Variants in CCDC192 observed in about 807,000 individuals in gnomAD.
The protein encoded by CCDC192 is coiled-coil domain containing 192, also known as coiled-coil domain-containing protein 192.
chr5:127,849,380 A>C (rs1206899766), intron 5 of CCDC192, among the ~76,000 whole-genome samples: 1 of 151,906 alleles, frequency 6.6e-6, no homozygotes, highest in East Asian at 1.9e-4. Context: ...ATAGAGGCTG[A>C]CTTCAACTGG....
intron 3 of CCDC192, chr5:127,787,131 C>A (rs1756585475): frequency 8.7e-6 from 2 of 228,916 alleles, no homozygotes; most frequent in African/African-American, 2.3e-5. Flanking sequence ...CAGTACCATT[C>A]CAAATTTATT....
chr5:127,785,909 C>A, intron 3 of CCDC192: 1 of 435,402 alleles, frequency 2.3e-6, no homozygotes. Flanking sequence ...GCAGACATTA[C>A]CAAGGCAATG....
chr5:127,931,827 A>ATG (rs1754036148), intron 6 of CCDC192, among the ~76,000 whole-genome samples: 1 of 152,108 alleles, frequency 6.6e-6, no homozygotes, highest in African/African-American at 2.4e-5. Context: ...CATCTAGGGG[A>ATG]TCAATTTTTC....
intron 6 of CCDC192, among the ~76,000 whole-genome samples, chr5:127,914,882 A>G (rs1420164833): frequency 1.3e-5 from 2 of 152,196 alleles, no homozygotes; most frequent in Non-Finnish European, 2.9e-5. Context: ...AATGCATACA[A>G]CAATCAATTG....
chr5:127,856,470 C>T (rs1026899225), intron 5 of CCDC192, among the ~76,000 whole-genome samples: 4 of 152,138 alleles, frequency 2.6e-5, no homozygotes, highest in Admixed American at 2.6e-4. Flanking sequence ...CTTTTTTATT[C>T]ATGTGTTCAC....
rs925470215 is a variant in CCDC192, at chr5:127,769,329, G to A, written c.222+14954G>A. ...GTCCGGGGAAGGAACAGATTGTGAGGAATTCATTTTGAACACATTAATTCT... is the reference window on the plus strand; with the variant it reads ...GTCCGGGGAAGGAACAGATTGTGAGAAATTCATTTTGAACACATTAATTCT... On this transcript the variant is annotated intron_variant, in intron 3 of 6. Transcript: ENST00000514853. Among the ~76,000 whole-genome samples the A allele has an allele frequency of 3.3e-5, 5 of 152,032 alleles. No homozygotes were observed. The South Asian group carries it at 1.0e-3, about 32-fold the overall frequency.
intron 2 of CCDC192, 128 bp from the exon 3 acceptor site, chr5:127,754,140 A>G (rs1029083924): frequency 1.3e-5 from 5 of 391,238 alleles, no homozygotes; most frequent in African/African-American, 8.3e-5. Flanking sequence ...AAAGGGGAGG[A>G]TTTGTGTGAG....
intron 6 of CCDC192, among the ~76,000 whole-genome samples, chr5:127,901,897 A>G (rs111594318): frequency 6.6e-6 from 1 of 152,238 alleles, no homozygotes; most frequent in African/African-American, 2.4e-5. Flanking sequence ...CAGGGATCCC[A>G]AATAAATCCC....
chr5:127,917,998 G>C (rs375864245), intron 6 of CCDC192, among the ~76,000 whole-genome samples: 109 of 152,164 alleles, frequency 7.2e-4, no homozygotes, highest in African/African-American at 2.6e-3. Flanking sequence ...AGCTGGGTGT[G>C]GCGATAGGCA....
At chr5:127,913,497 A>C (rs1314169171) in intron 6 of CCDC192, among the ~76,000 whole-genome samples, 1 of 152,242 alleles carries the variant, frequency 6.6e-6, no homozygotes, top group Non-Finnish European at 1.5e-5. Flanking sequence ...ACTTCTACCT[A>C]GACCGCTGCT....
At chr5:127,810,626 A>G (rs1580696064) in intron 5 of CCDC192, among the ~76,000 whole-genome samples, 1 of 152,174 alleles carries the variant, frequency 6.6e-6, no homozygotes, top group African/African-American at 2.4e-5. Flanking sequence ...AAGCGCATCC[A>G]TGGAATAAAA....
At chr5:127,809,493 T>C (rs1757963342) in intron 5 of CCDC192, among the ~76,000 whole-genome samples, 1 of 152,182 alleles carries the variant, frequency 6.6e-6, no homozygotes, top group South Asian at 2.1e-4. Context: ...TGAGATTCTA[T>C]GTTGAATTTC....
At chr5:127,902,526 C>T (rs566049020) in intron 6 of CCDC192, among the ~76,000 whole-genome samples, 50 of 152,128 alleles carry the variant, frequency 3.3e-4, no homozygotes, top group Non-Finnish European at 6.3e-4. Flanking sequence ...TCATCACCCC[C>T]GGTTTTCACA....
chr5:127,894,187 ATTTTTTTTTT>A (rs70997350), intron 6 of CCDC192, among the ~76,000 whole-genome samples: 1 of 111,022 alleles, frequency 9.0e-6, no homozygotes, highest in African/African-American at 3.2e-5. Flanking sequence ...GTCCTATCTA[ATTTTTTTTTT>A]TTTTTTTTTT....
At position 127,883,481 on chromosome 5, in the gene CCDC192, T is replaced by C. The variant is rs1327734607; in HGVS notation, c.535+7820T>C. On this transcript the variant is annotated intron_variant, in intron 6 of 6. Coordinates refer to ENST00000514853, the MANE Select transcript of CCDC192 (RefSeq NM_001317938.2). The stretch of plus-strand genomic sequence containing the variant: ...TCATATTTAACTAAAAAGTTAAATG[T>C]TAAAAAATCTATAGGTCTCATTCAG... Among the ~76,000 whole-genome samples, 14 of 152,232 alleles carry C rather than the reference T, an allele frequency of 9.2e-5. 1 individual carries two copies. Among genetic ancestry groups the C allele is most frequent in the Admixed American group, 3.9e-4 (6 of 15,288 alleles).
chr5:127,778,576 T>C (rs1222108435), intron 3 of CCDC192, among the ~76,000 whole-genome samples: 1 of 152,208 alleles, frequency 6.6e-6, no homozygotes, highest in African/African-American at 2.4e-5. Context: ...ATAGTTTTCC[T>C]GTACTATTTT....
intron 3 of CCDC192, among the ~76,000 whole-genome samples, chr5:127,795,828 G>C (rs1338801000): frequency 6.6e-6 from 1 of 151,982 alleles, no homozygotes; most frequent in Non-Finnish European, 1.5e-5. Context: ...ACACTATACT[G>C]TGTCTCTAAT....
At chr5:127,718,129 T>G (rs758388785) in intron 2 of CCDC192, among the ~76,000 whole-genome samples, 38 of 152,132 alleles carry the variant, frequency 2.5e-4, no homozygotes, top group Non-Finnish European at 4.6e-4. Context: ...TAGAAAATGA[T>G]CCTTCACAAA....
intron 2 of CCDC192, among the ~76,000 whole-genome samples, chr5:127,709,344 C>T (rs1447935941): frequency 3.3e-5 from 5 of 152,086 alleles, no homozygotes; most frequent in African/African-American, 9.7e-5. Flanking sequence ...CTAAACCATT[C>T]GTGAGAAACT....
Sources: allele counts gnomAD v4.1 joint callset (sites outside exome capture counted in the v4.1 genomes callset), GRCh38; gene constraint gnomAD v4.1.1; transcripts MANE v1.5; gene names NCBI Gene and HGNC (gene_info 2026-07-23, HGNC 2026-07-21).